The following ADSS1 variants were observed in gnomAD, a reference collection of about 807,000 sequenced individuals.
ADSS1 encodes the protein adenylosuccinate synthetase isozyme 1.
A neutral mutation model predicts 59.1 loss-of-function variants in ADSS1; 57 were observed. The observed-to-expected ratio is 0.97, with a 90% CI of 0.78 to 1.20. The LOEUF (loss-of-function observed/expected upper bound fraction) is 1.20, where lower values mean the gene tolerates loss of function less well. Among genes scored for constraint, ADSS1 ranks in the 50% most tolerant of loss-of-function variants. The pLI is 0.00. For synonymous variants in ADSS1, 247 were observed against 249.4 expected (o/e 0.99, Z 0.09); for missense variants, 603 against 610.3 (o/e 0.99, Z 0.13).
chr14:104,746,829 T>C (rs1891578572), intron 12 of ADSS1, 122 bp from the exon 13 acceptor site: 1 of 1,012,710 alleles, frequency 9.9e-7, no homozygotes, highest in Non-Finnish European at 1.5e-6. Flanking sequence ...ACTGCCTCCA[T>C]TTGGAGAGAA....
chr14:104,744,068 A>G (rs866959274), intron 10 of ADSS1, among the ~76,000 whole-genome samples: 27 of 124,822 alleles, frequency 2.2e-4, no homozygotes, highest in African/African-American at 7.9e-4. Flanking sequence ...GGCTGCCATC[A>G]TTGGCATCAG....
At chr14:104,745,001 C>G in intron 11 of ADSS1, 92 bp downstream of exon 11, 1 of 1,110,068 alleles carries the variant, frequency 9.0e-7, no homozygotes, top group Non-Finnish European at 1.3e-6. Context: ...GGGGTGAGTT[C>G]CCACGTTCAC....
intron 9 of ADSS1, among the ~76,000 whole-genome samples, 190 bp downstream of exon 9, chr14:104,742,192 G>A (rs147526767): frequency 6.6e-6 from 1 of 152,382 alleles, no homozygotes; most frequent in African/African-American, 2.4e-5. Context: ...GGGTGGGCCT[G>A]TTCCCACGGC....
At chr14:104,732,117 A>ATGTTTGGTCCCTCCTCATCGGC (rs1156707542) in intron 1 of ADSS1, among the ~76,000 whole-genome samples, 8 of 152,090 alleles carry the variant, frequency 5.3e-5, no homozygotes, top group African/African-American at 1.9e-4. Flanking sequence ...GCTGGCCCTG[A>ATGTTTGGTCCCTCCTCATCGGC]TGTTTGGTCC....
intron 1 of ADSS1, among the ~76,000 whole-genome samples, chr14:104,726,574 C>T (rs1232108129): frequency 6.6e-6 from 1 of 152,222 alleles, no homozygotes; most frequent in African/African-American, 2.4e-5. Flanking sequence ...TCTGACCACC[C>T]CATGTCGTCA....
intron 1 of ADSS1, among the ~76,000 whole-genome samples, chr14:104,725,865 G>A (rs979019619): frequency 1.3e-5 from 2 of 151,886 alleles, no homozygotes; most frequent in Admixed American, 6.5e-5. Context: ...TCTGGTGGGC[G>A]CCATGCACTT....
At chr14:104,745,045 C>A in intron 11 of ADSS1, 136 bp downstream of exon 11, 1 of 721,892 alleles carries the variant, frequency 1.4e-6, no homozygotes, top group Non-Finnish European at 2.3e-6. Flanking sequence ...CTCCAGTGAC[C>A]AGCCTCCATC....
chr14:104,739,779 C>T lies in ADSS1; in HGVS notation c.439C>T (p.Leu147Phe). The change falls in exon 5 of 13, where the codon CTT (leucine) becomes TTT (phenylalanine). Residue 147 changes from leucine (L) to phenylalanine (F), a missense_variant. Transcript: ENST00000330877. ...TGATTTTCACCAGGCTGTCGACGGA[C>T]TTCAGGAAGTGCAGCGCCAGGCACA... ...VFDFHQAVDGLQEVQRQAQEG... is the reference protein window; with the variant it reads ...VFDFHQAVDGFQEVQRQAQEG... 6.2e-7 allele frequency: 1 copy of T among 1,613,948 alleles called. No homozygotes were observed. Among genetic ancestry groups the T allele is most frequent in the Non-Finnish European group, 8.5e-7 (1 of 1,179,998 alleles).
At chr14:104,745,456 G>GC (rs1891520498) in intron 11 of ADSS1, 1 of 155,086 alleles carries the variant, frequency 6.4e-6, no homozygotes, top group Non-Finnish European at 1.4e-5. Context: ...GTCTGGATGT[G>GC]CCCCCTCGAC....
rs184267416 is a variant in ADSS1, at chr14:104,725,834, C to T, written c.192+1372C>T. Reference sequence around the variant, plus strand: ...CTCTCTGCTCCCGTGAGGCCCAGGCCCCTCCCTATGAGCTGCCAGCTCTGG... The same window carrying T: ...CTCTCTGCTCCCGTGAGGCCCAGGCTCCTCCCTATGAGCTGCCAGCTCTGG... On this transcript the variant is annotated intron_variant, in intron 1 of 12. Coordinates refer to ENST00000330877, the MANE Select transcript of ADSS1 (RefSeq NM_152328.5). 1.3e-3 allele frequency among the ~76,000 whole-genome samples: 194 copies of T among 152,286 alleles called. 1 individual carries two copies. Among genetic ancestry groups the T allele is most frequent in the Non-Finnish European group, 1.9e-3 (131 of 68,012 alleles).
Position 104,738,404 on chromosome 14 carries a change from C to G in ADSS1, c.324C>G (p.Gly108=), listed in dbSNP as rs1307265385. 1 of 1,613,888 alleles carries G rather than the reference C, an allele frequency of 6.2e-7. No homozygotes were observed. The highest frequency in any genetic ancestry group is 2.2e-5 in the East Asian group (1 of 44,896). The change falls in exon 3 of 13, where the codon GGC becomes GGG. Residue 108 remains glycine (G), a synonymous_variant. Transcript: ENST00000330877. ...IGNGVVIHLP[G]LFEEAEKNEK... is the part of the protein sequence containing the mutation. The stretch of plus-strand genomic sequence containing the variant: ...ACGGGGTGGTCATCCACTTGCCAGG[C>G]TTGTTTGAGGAAGCAGAGAAGAATG...
At position 104,741,147 on chromosome 14, in the gene ADSS1, C is replaced by T. The variant is rs1358620767; in HGVS notation, c.697C>T (p.Arg233Ter). 18 of 1,610,400 alleles carry T rather than the reference C, an allele frequency of 1.1e-5. No individual in the cohort carries two copies. The highest frequency in any genetic ancestry group is 1.7e-5 in the Admixed American group (1 of 59,636). The change falls in exon 8 of 13, where the codon CGA becomes TGA. Residue 233 changes from arginine to a stop codon, truncating the protein, a stop_gained. Coordinates refer to ENST00000330877, the MANE Select transcript of ADSS1 (RefSeq NM_152328.5). LOFTEE classifies it high-confidence loss of function. ...TGCTGAGCGGATCAGACCCATGGTC[C>T]GAGATGGTGTTTACTTTATGTATGA... ...GFAERIRPMVRDGVYFMYEAL... is the reference protein window; with the variant it reads ...GFAERIRPMV
chr14:104,738,284 C>T (rs1891200644), intron 2 of ADSS1, 92 bp from the exon 3 acceptor site: 3 of 1,374,068 alleles, frequency 2.2e-6, no homozygotes, highest in Non-Finnish European at 3.1e-6. Flanking sequence ...AGGCATGAGC[C>T]ACCGCACCCA....
At chr14:104,741,393 G>C in intron 8 of ADSS1, 150 bp downstream of exon 8, 1 of 1,059,728 alleles carries the variant, frequency 9.4e-7, no homozygotes, top group Non-Finnish European at 1.3e-6. Context: ...AATGATCCTC[G>C]TGTCCTTAGT....
At chr14:104,727,963 G>A (rs927084843) in intron 1 of ADSS1, among the ~76,000 whole-genome samples, 3 of 152,210 alleles carry the variant, frequency 2.0e-5, no homozygotes, top group Non-Finnish European at 2.9e-5. Context: ...TCTCCATAGC[G>A]CACTCCCAGC....
rs1186972658 is a variant in ADSS1 at position 104,747,037 on chromosome 14, A to C, written c.*34A>C. ...TGAGCTGATCCCAACAGGCCCTGGC[A>C]GCGTCTGGACTTGTGTAAACAGCAG... On this transcript the variant is annotated 3_prime_UTR_variant, in exon 13 of 13. Coordinates refer to ENST00000330877, the MANE Select transcript of ADSS1 (RefSeq NM_152328.5). The C allele has an allele frequency of 1.3e-6, 2 of 1,599,500 alleles. No homozygotes were observed. Among genetic ancestry groups the C allele is most frequent in the African/African-American group, 2.7e-5 (2 of 74,666 alleles).
chr14:104,746,782 C>A, intron 12 of ADSS1, 169 bp from the exon 13 acceptor site: 3 of 678,408 alleles, frequency 4.4e-6, no homozygotes, highest in Non-Finnish European at 7.5e-6. Flanking sequence ...AGGATCAGTC[C>A]CCCAACATGC....
intron 9 of ADSS1, 126 bp from the exon 10 acceptor site, chr14:104,742,941 G>A (rs747416445): frequency 2.9e-6 from 4 of 1,393,310 alleles, no homozygotes; most frequent in Non-Finnish European, 4.0e-6. Flanking sequence ...TGTAAGGACT[G>A]TCGGTGGAGG....
At chr14:104,741,739 C>T (rs1891365811) in intron 8 of ADSS1, 109 bp from the exon 9 acceptor site, 2 of 1,448,842 alleles carry the variant, frequency 1.4e-6, no homozygotes, top group Non-Finnish European at 1.9e-6. Context: ...GGAGGGGGCC[C>T]CCCACGGTTT....
Sources: allele counts gnomAD v4.1 joint callset (sites outside exome capture counted in the v4.1 genomes callset), GRCh38; gene constraint gnomAD v4.1.1; transcripts MANE v1.5; gene names NCBI Gene and HGNC (gene_info 2026-07-23, HGNC 2026-07-21).